The following RB1 variants were observed in gnomAD, a reference collection of about 807,000 sequenced individuals.
RB1 encodes RB transcriptional corepressor 1, also known as retinoblastoma-associated protein.
A neutral mutation model predicts 135.4 loss-of-function variants in RB1; 18 were observed. The observed-to-expected ratio is 0.13, with a 90% confidence interval of 0.09 to 0.20. RB1 has a LOEUF of 0.20. Ranked by LOEUF, RB1 falls within the 10% of genes least tolerant of loss-of-function variation. The pLI, the probability that RB1 is intolerant of heterozygous loss-of-function variation, is 1.00. For synonymous variants in RB1, 365 were observed against 373.2 expected, an observed-to-expected ratio of 0.98 and a Z score of 0.25; for missense variants, 868 against 1,110.0, an observed-to-expected ratio of 0.78 and a Z score of 3.10.
At chr13:48,350,554 C>T (rs1467780754) in intron 6 of RB1, among the ~76,000 whole-genome samples, 1 of 152,128 alleles carries the variant, frequency 6.6e-6, no homozygotes, top group Non-Finnish European at 1.5e-5. Flanking sequence ...TAAGTGCCTA[C>T]ATCCCAAAAG....
intron 4 of RB1, among the ~76,000 whole-genome samples, chr13:48,347,075 T>G (rs4151471): frequency 0.024 from 3,601 of 152,104 alleles, 153 homozygotes; most frequent in African/African-American, 0.083. Flanking sequence ...TTGTTTGCTC[T>G]GCTGTCTGAG....
intron 17 of RB1, among the ~76,000 whole-genome samples, chr13:48,403,479 A>G (rs897423665): frequency 1.1e-4 from 17 of 152,140 alleles, no homozygotes; most frequent in African/African-American, 4.1e-4. Flanking sequence ...GGATACAATA[A>G]AGTAGAGAAA....
At chr13:48,443,191 T>G (rs556475788) in intron 17 of RB1, among the ~76,000 whole-genome samples, 1 of 151,782 alleles carries the variant, frequency 6.6e-6, no homozygotes, top group African/African-American at 2.4e-5. Context: ...AAAGGATTAC[T>G]GTTTTGAAAG....
intron 2 of RB1, chr13:48,316,967 G>T: frequency 2.5e-6 from 1 of 398,320 alleles, no homozygotes; most frequent in Non-Finnish European, 4.7e-6. Flanking sequence ...GGTCCTGGTC[G>T]TCCCTATCGA....
intron 12 of RB1, among the ~76,000 whole-genome samples, chr13:48,374,487 C>G (rs1188227253): frequency 6.6e-6 from 1 of 152,202 alleles, no homozygotes; most frequent in African/African-American, 2.4e-5. Flanking sequence ...CTGTTGTCAT[C>G]TCTTGCTATG....
intron 2 of RB1, among the ~76,000 whole-genome samples, chr13:48,323,364 A>ATT (rs375348994): frequency 5.3e-5 from 8 of 151,322 alleles, no homozygotes; most frequent in African/African-American, 1.9e-4. Context: ...GTTAGTAGTA[A>ATT]TTTTTTTTTA....
At chr13:48,454,018 A>G (rs984088956) in intron 18 of RB1, among the ~76,000 whole-genome samples, 11 of 152,320 alleles carry the variant, frequency 7.2e-5, no homozygotes, top group African/African-American at 2.4e-4. Context: ...TTTTCCTTTC[A>G]CAAAAGCAAT....
intron 17 of RB1, among the ~76,000 whole-genome samples, chr13:48,419,882 T>C (rs1948978661): frequency 6.6e-6 from 1 of 152,110 alleles, no homozygotes; most frequent in African/African-American, 2.4e-5. Context: ...GTTCTGAAAT[T>C]GAGGCAGTAA....
intron 17 of RB1, among the ~76,000 whole-genome samples, chr13:48,423,161 A>C (rs985751781): frequency 2.6e-5 from 4 of 152,176 alleles, no homozygotes; most frequent in African/African-American, 9.7e-5. Flanking sequence ...AAAAGAATGA[A>C]ATATAGTGAA....
rs116104283 is a variant in RB1, at chr13:48,319,840, C to T, written c.264+12434C>T. The T allele has an allele frequency of 1.9e-3, 612 of 326,458 alleles. 4 individuals carry two copies. The highest frequency in any genetic ancestry group is 0.013 in the African/African-American group (576 of 45,484). 20.2% of individuals were successfully genotyped at this position (326,458 alleles called of 1,614,324 possible). On this transcript the variant is annotated intron_variant, in intron 2 of 26. Coordinates refer to ENST00000267163, the MANE Select transcript of RB1 (RefSeq NM_000321.3). The surrounding 1 kb of genome is among the most constrained non-coding windows in gnomAD (Gnocchi z 5.0). ...GCTCTGCTCGAAGGAGTCGTTGCTG[C>T]TCGCTCTGACCGGGAAGGCAGAACC...
intron 3 of RB1, among the ~76,000 whole-genome samples, chr13:48,344,048 A>T (rs1952470923): frequency 6.6e-6 from 1 of 152,126 alleles, no homozygotes; most frequent in Non-Finnish European, 1.5e-5. Context: ...CTTTTGTTTC[A>T]GTTAGCTGCT....
intron 17 of RB1, among the ~76,000 whole-genome samples, chr13:48,433,682 A>ATTTTT (rs10665957): frequency 6.8e-6 from 1 of 147,144 alleles, no homozygotes; most frequent in Admixed American, 6.7e-5. Flanking sequence ...ACAAAAATGC[A>ATTTTT]TTTTTTTTTT....
chr13:48,392,808 G>T (rs1047980103), intron 17 of RB1, among the ~76,000 whole-genome samples: 5 of 151,098 alleles, frequency 3.3e-5, no homozygotes, highest in Non-Finnish European at 5.9e-5. Context: ...TTGACTGCTT[G>T]GTGATTTTTT....
chr13:48,323,085 G>T (rs974867947), intron 2 of RB1, among the ~76,000 whole-genome samples: 14 of 152,182 alleles, frequency 9.2e-5, no homozygotes, highest in African/African-American at 3.4e-4. Context: ...GGCAGTTTGT[G>T]AAGAATAGAT....
chr13:48,435,589 A>T (rs1208248041), intron 17 of RB1, among the ~76,000 whole-genome samples: 1 of 152,114 alleles, frequency 6.6e-6, no homozygotes, highest in African/African-American at 2.4e-5. Flanking sequence ...CCAGTTTATC[A>T]CTTTTTCCTT....
intron 17 of RB1, among the ~76,000 whole-genome samples, chr13:48,438,766 T>C (rs1426119283): frequency 6.6e-6 from 1 of 152,202 alleles, no homozygotes; most frequent in Non-Finnish European, 1.5e-5. Flanking sequence ...ATAATATAAG[T>C]AATGTGGTTG....
At chr13:48,459,314 A>G (rs112499707) in intron 19 of RB1, among the ~76,000 whole-genome samples, 27 of 152,126 alleles carry the variant, frequency 1.8e-4, no homozygotes, top group Non-Finnish European at 1.3e-4. Context: ...CCAAACACCT[A>G]TTTTTTAAAA....
intron 17 of RB1, among the ~76,000 whole-genome samples, chr13:48,403,888 C>T (rs1236395951): frequency 6.6e-6 from 1 of 152,116 alleles, no homozygotes; most frequent in Non-Finnish European, 1.5e-5. Flanking sequence ...GTAGTCCCAG[C>T]TACTTGGGAG....
rs1173696113 is a variant in RB1 at position 48,360,117 on chromosome 13, A to T, written c.708A>T (p.Lys236Asn). 4.3e-6 allele frequency: 7 copies of T among 1,612,556 alleles called. No homozygotes were observed. The South Asian group carries it at 7.7e-5, about 18-fold the overall frequency. Residue 236 changes from lysine to asparagine, a missense_variant, in exon 7 of 27, where the codon AAA becomes AAT. Lys to Asn is a moderately conservative substitution (Grantham distance 94). Coordinates refer to ENST00000267163, the MANE Select transcript of RB1 (RefSeq NM_000321.3). Reference protein sequence around the residue: ...FIKLSPPMLLKEPYKTAVIPI... With the variant: ...FIKLSPPMLLNEPYKTAVIPI... Reference sequence around the variant, plus strand: ...AACTCTCACCTCCCATGTTGCTCAAAGAACCATATAGTAAGTATTTAATTT... The same window carrying T: ...AACTCTCACCTCCCATGTTGCTCAATGAACCATATAGTAAGTATTTAATTT...
Sources: allele counts gnomAD v4.1 joint callset (sites outside exome capture counted in the v4.1 genomes callset), GRCh38; gene constraint gnomAD v4.1.1; non-coding constraint Gnocchi (gnomAD v3.1); transcripts MANE v1.5; gene names NCBI Gene and HGNC (gene_info 2026-07-23, HGNC 2026-07-21).